The following CAMKK1 variants were observed in gnomAD, a reference collection of about 807,000 sequenced individuals.
CAMKK1 encodes the protein calcium/calmodulin dependent protein kinase kinase 1.
In CAMKK1, 20 loss-of-function variants were observed where a neutral mutation model predicts 63.5. The ratio of observed to expected loss-of-function variants is 0.32; its 90% CI spans 0.22 to 0.46. The LOEUF (loss-of-function observed/expected upper bound fraction) is 0.46, where lower values mean the gene tolerates loss of function less well. CAMKK1 is among the 20% of genes least tolerant of loss of function. The pLI, the probability that CAMKK1 is intolerant of heterozygous loss-of-function variation, is 1.00. For missense variants in CAMKK1, 588 were observed against 658.1 expected (o/e 0.89, Z 1.17); for synonymous variants, 253 against 269.0 (o/e 0.94, Z 0.58).
intron 11 of CAMKK1, 48 bp downstream of exon 11, chr17:3,873,361 C>A (rs372344058): frequency 1.6e-5 from 25 of 1,584,502 alleles, no homozygotes; most frequent in Non-Finnish European, 1.9e-5. Context: ...TCGCCCGTGC[C>A]CGCCTCACTG....
rs889619636 is a variant in CAMKK1 at position 3,862,138 on chromosome 17, G to C, written c.*73C>G. The C allele has an allele frequency of 7.6e-7, 1 of 1,313,344 alleles. No individual in the cohort carries two copies. The allele number at this position is 1,313,344 out of a possible 1,614,324, so 81.4% of individuals were successfully genotyped here. A position where few individuals can be genotyped will look rare whatever the true frequency, so the allele number is the denominator to read the frequency against. ...CAGCCCCCTGCCTGCGGGGGCGGCT[G>C]TTGCATGAGGGGTGGGCCTCTGGAG... is the stretch of plus-strand genomic sequence containing the variant. On this transcript the variant is annotated 3_prime_UTR_variant, in exon 16 of 16. Coordinates refer to ENST00000348335, the MANE Select transcript of CAMKK1 (RefSeq NM_032294.3). The surrounding 1 kb of genome is among the most constrained non-coding windows in gnomAD (Gnocchi z 4.1).
chr17:3,880,311 C>T (rs774558597), intron 9 of CAMKK1, 35 bp downstream of exon 9: 2 of 1,579,494 alleles, frequency 1.3e-6, no homozygotes, highest in Admixed American at 1.7e-5. Flanking sequence ...GATCCCCTAG[C>T]CCCAGCCCCA....
chr17:3,887,153 C>T lies in CAMKK1; in HGVS notation c.-43-1423G>A, dbSNP rs1218998562. ...CTGGGTTCCAGTCCTGCCTGCTGAC[C>T]CACCAGGGGCCCTAGACCAGCTCCT... On this transcript the variant is annotated intron_variant, in intron 1 of 15. Transcript: ENST00000348335. The surrounding 1 kb of genome is among the most constrained non-coding windows in gnomAD (Gnocchi z 6.1). Among the ~76,000 whole-genome samples, 1 of 152,110 alleles carries T rather than the reference C, an allele frequency of 6.6e-6. No individual in the cohort carries two copies. The highest frequency in any genetic ancestry group is 2.4e-5 in the African/African-American group (1 of 41,418).
chr17:3,875,616 C>T (rs2055114533), intron 10 of CAMKK1, among the ~76,000 whole-genome samples: 1 of 152,160 alleles, frequency 6.6e-6, no homozygotes, highest in Non-Finnish European at 1.5e-5. Flanking sequence ...CACACGTGTC[C>T]AAATGCCTCT....
intron 1 of CAMKK1, among the ~76,000 whole-genome samples, chr17:3,891,136 A>T (rs916323895): frequency 6.6e-6 from 1 of 151,094 alleles, no homozygotes; most frequent in African/African-American, 2.5e-5. Flanking sequence ...GCTAGGGAGC[A>T]GCCAGGGACA....
Position 3,889,937 on chromosome 17 carries a change from G to A in CAMKK1, c.-44+3002C>T, listed in dbSNP as rs545769440. Among the ~76,000 whole-genome samples the A allele has an allele frequency of 2.0e-5, 3 of 152,342 alleles. 1 individual carries two copies. The highest frequency in any genetic ancestry group is 7.2e-5 in the African/African-American group (3 of 41,584). Reference sequence around the variant, plus strand: ...CCACCTGGGAGCTGGTCAGGCCCTGGTCAGGCCTCATTCTGAGCGCTGGAA... The same window carrying A: ...CCACCTGGGAGCTGGTCAGGCCCTGATCAGGCCTCATTCTGAGCGCTGGAA... On this transcript the variant is annotated intron_variant, in intron 1 of 15. Coordinates refer to ENST00000348335, the MANE Select transcript of CAMKK1 (RefSeq NM_032294.3). This position sits in a 1 kb window ranked among gnomAD's most constrained non-coding sequence, Gnocchi z 5.2.
In CAMKK1 at chr17:3,879,310, C is replaced by A. The variant is rs62071688; in HGVS notation, c.796+1036G>T. 8.5e-3 allele frequency: 1,294 copies of A among 152,912 alleles called. 9 individuals are homozygous for A. The highest frequency in any genetic ancestry group is 0.034 in the Middle Eastern group (10 of 294). The allele number at this position is 152,912 out of a possible 1,614,324, so 9.5% of individuals were successfully genotyped here. A position where few individuals can be genotyped will look rare whatever the true frequency, so the allele number is the denominator to read the frequency against. ...GTCACTTGGGCTGCAGAAACAGCCT[C>A]CTCCCTGGCCAGCTGGCTGCCTCTC... On this transcript the variant is annotated intron_variant, in intron 9 of 15. Coordinates refer to ENST00000348335, the MANE Select transcript of CAMKK1 (RefSeq NM_032294.3). This position sits in a 1 kb window ranked among gnomAD's most constrained non-coding sequence, Gnocchi z 4.5.
At position 3,872,644 on chromosome 17, in the gene CAMKK1, C is replaced by G. The variant is rs755824015; in HGVS notation, c.1051-17G>C. The G allele has an allele frequency of 6.2e-7, 1 of 1,610,834 alleles. No homozygotes were observed. ...GAATGGGCACTGTGGGGTGGAGAGG[C>G]AGACAAAGGATGTGGGTCCAGGGCC... On this transcript the variant is annotated splice_polypyrimidine_tract_variant and intron_variant, in intron 11 of 15. Transcript: ENST00000348335.
At chr17:3,871,347 GTTTTTTTTTTTTTTTTTTT>G (rs869219931) in intron 12 of CAMKK1, among the ~76,000 whole-genome samples, 1,485 of 104,454 alleles carry the variant, frequency 0.014, 39 homozygotes, top group African/African-American at 0.051. Context: ...TTTTTTTTTT[GTTTTTTTTTTTTTTTTTTT>G]TTTTTTGAGA....
In CAMKK1 at chr17:3,887,855, T is replaced by C. The variant is rs1597491634; in HGVS notation, c.-43-2125A>G. 6.6e-6 allele frequency among the ~76,000 whole-genome samples: 1 copy of C among 152,242 alleles called. No homozygotes were observed. The highest frequency in any genetic ancestry group is 1.9e-4 in the East Asian group (1 of 5,186). The stretch of plus-strand genomic sequence containing the variant: ...GACCCGCCAGGCTCCTCCCAGCAGG[T>C]GGCCCACCCCTCCGCCCCTTCCCCT... On this transcript the variant is annotated intron_variant, in intron 1 of 15. Transcript: ENST00000348335. The surrounding 1 kb of genome is among the most constrained non-coding windows in gnomAD (Gnocchi z 6.1).
At position 3,879,113 on chromosome 17, in the gene CAMKK1, C is replaced by T. The variant is rs1024958436; in HGVS notation, c.796+1233G>A. 3.9e-5 allele frequency: 6 copies of T among 152,354 alleles called. No homozygotes were observed. Among genetic ancestry groups the T allele is most frequent in the African/African-American group, 1.4e-4 (6 of 41,424 alleles). The allele number at this position is 152,354 out of a possible 1,614,324, so 9.4% of individuals were successfully genotyped here. On this transcript the variant is annotated intron_variant, in intron 9 of 15. Coordinates refer to ENST00000348335, the MANE Select transcript of CAMKK1 (RefSeq NM_032294.3). This position sits in a 1 kb window ranked among gnomAD's most constrained non-coding sequence, Gnocchi z 4.5. ...ACAGGCATGAGCCCCTGCGCCTGGCCCAAGCTAAGATTTTAGAGATGGGCA... is the reference window on the plus strand; with the variant it reads ...ACAGGCATGAGCCCCTGCGCCTGGCTCAAGCTAAGATTTTAGAGATGGGCA...
intron 13 of CAMKK1, 29 bp downstream of exon 13, chr17:3,869,767 TCCCAG>T (rs768848840): frequency 6.2e-7 from 1 of 1,608,414 alleles, no homozygotes. Context: ...GTTTTCTGTG[TCCCAG>T]CCCAGCCCAA....
intron 10 of CAMKK1, among the ~76,000 whole-genome samples, chr17:3,874,785 A>G (rs1161166387): frequency 6.6e-6 from 1 of 152,004 alleles, no homozygotes; most frequent in Non-Finnish European, 1.5e-5. Context: ...CTGGAATTAC[A>G]GGCATGAGCC....
chr17:3,871,333 GTTTTTTTTTTTTTGTTTTTTT>G (rs2054842194), intron 12 of CAMKK1, among the ~76,000 whole-genome samples: 1 of 111,004 alleles, frequency 9.0e-6, no homozygotes, highest in Admixed American at 1.0e-4. Flanking sequence ...GTTGTTTTTT[GTTTTTTTTTTTTTGTTTTTTT>G]TTTTTTTTTT....
At chr17:3,869,912 G>A (rs1247813673) in intron 12 of CAMKK1, 24 bp from the exon 13 acceptor site, 1 of 1,600,674 alleles carries the variant, frequency 6.2e-7, no homozygotes, top group South Asian at 1.1e-5. Flanking sequence ...AGGAAGGAGA[G>A]GAGGGTGGGA....
At position 3,882,704 on chromosome 17, in the gene CAMKK1, T is replaced by C; in HGVS notation, c.649-140A>G. 1.2e-6 allele frequency: 1 copy of C among 849,996 alleles called. No individual in the cohort carries two copies. Among genetic ancestry groups the C allele is most frequent in the South Asian group, 1.6e-5 (1 of 61,992 alleles). 52.7% of individuals were successfully genotyped at this position (849,996 alleles called of 1,614,324 possible). On this transcript the variant is annotated intron_variant, in intron 6 of 15. Transcript: ENST00000348335. This position sits in a 1 kb window ranked among gnomAD's most constrained non-coding sequence, Gnocchi z 4.3. ...GACAAGGAAGCAGGAAGTGTACAGGTGGTGCCAGACTGATGGGGCCTCAGA... is the reference window on the plus strand; with the variant it reads ...GACAAGGAAGCAGGAAGTGTACAGGCGGTGCCAGACTGATGGGGCCTCAGA...
In CAMKK1 at chr17:3,882,394, C is replaced by T. The variant is rs1462331564; in HGVS notation, c.685+134G>A. 5.0e-6 allele frequency: 8 copies of T among 1,599,734 alleles called. No individual in the cohort carries two copies. Among genetic ancestry groups the T allele is most frequent in the Non-Finnish European group, 6.9e-6 (8 of 1,167,092 alleles). On this transcript the variant is annotated intron_variant, in intron 7 of 15. Transcript: ENST00000348335. The surrounding 1 kb of genome is among the most constrained non-coding windows in gnomAD (Gnocchi z 4.3). ...GGCTGGGCAAGGGAATCCAGGGCTTCAGAACGTGTGTTTTTCTTCTGTCCC... is the reference window on the plus strand; with the variant it reads ...GGCTGGGCAAGGGAATCCAGGGCTTTAGAACGTGTGTTTTTCTTCTGTCCC...
Position 3,885,750 on chromosome 17 carries a change from A to T in CAMKK1, c.-43-20T>A, listed in dbSNP as rs1458034630. On this transcript the variant is annotated intron_variant, in intron 1 of 15. Coordinates refer to ENST00000348335, the MANE Select transcript of CAMKK1 (RefSeq NM_032294.3). ...GGGAACCTGAGAAAAGAAGGCAGAG[A>T]AGGCTTCACTCCTGGGTGTCAGGCT... 1 of 1,591,498 alleles carries T rather than the reference A, an allele frequency of 6.3e-7. No homozygotes were observed. Among genetic ancestry groups the T allele is most frequent in the South Asian group, 1.1e-5 (1 of 89,606 alleles).
intron 9 of CAMKK1, among the ~76,000 whole-genome samples, chr17:3,876,969 GCTGGTCTTGAA>G (rs2055192935): frequency 2.0e-5 from 3 of 151,974 alleles, no homozygotes; most frequent in Non-Finnish European, 4.4e-5. Context: ...TGTTGGTCAG[GCTGGTCTTGAA>G]CTCCTGACCT....
Sources: allele counts gnomAD v4.1 joint callset (sites outside exome capture counted in the v4.1 genomes callset), GRCh38; gene constraint gnomAD v4.1.1; non-coding constraint Gnocchi (gnomAD v3.1); transcripts MANE v1.5; gene names NCBI Gene and HGNC (gene_info 2026-07-23, HGNC 2026-07-21).